Variants in CELF1 observed in about 807,000 individuals in gnomAD.
The protein encoded by CELF1 is CUGBP Elav-like family member 1.
Under a neutral mutation model 61.8 loss-of-function variants are expected in CELF1, and 10 were observed. The observed-to-expected ratio is 0.16, with a 90% CI of 0.10 to 0.27. The LOEUF is 0.27. Ranked by LOEUF, CELF1 falls within the 10% of genes least tolerant of loss-of-function variation. The pLI is 1.00. For synonymous variants in CELF1, 236 were observed against 225.1 expected (o/e 1.05, Z -0.43); for missense variants, 380 against 639.1 (o/e 0.59, Z 4.37).
chr11:47,472,821 C>T (rs1330855381), intron 14 of CELF1, among the ~76,000 whole-genome samples: 8 of 152,208 alleles, frequency 5.3e-5, no homozygotes, highest in African/African-American at 1.9e-4. Context: ...CTGGGACTTA[C>T]AGGCACAAAC....
intron 3 of CELF1, among the ~76,000 whole-genome samples, chr11:47,490,871 T>TA (rs2091106107): frequency 6.6e-6 from 1 of 151,798 alleles, no homozygotes; most frequent in Non-Finnish European, 1.5e-5. Flanking sequence ...CTTTCTTTTT[T>TA]TTTTTTTTGA....
intron 1 of CELF1, among the ~76,000 whole-genome samples, chr11:47,508,272 G>A (rs1192195339): frequency 6.6e-6 from 1 of 152,236 alleles, no homozygotes; most frequent in African/African-American, 2.4e-5. Context: ...GAAAAGGCCA[G>A]GGAACCACAT....
intron 1 of CELF1, among the ~76,000 whole-genome samples, chr11:47,505,534 T>G (rs1388019810): frequency 6.6e-6 from 1 of 150,488 alleles, no homozygotes; most frequent in Non-Finnish European, 1.5e-5. Context: ...TCCCAGCTAC[T>G]CAGGAGACTG....
In CELF1 at chr11:47,484,406, G is replaced by C; in HGVS notation, c.509C>G (p.Pro170Arg). 6.8e-6 allele frequency: 11 copies of C among 1,613,126 alleles called. No individual in the cohort carries two copies. Among genetic ancestry groups the C allele is most frequent in the Non-Finnish European group, 9.3e-6 (11 of 1,179,738 alleles). The change falls in exon 7 of 15, where the codon CCT becomes CGT. Residue 170 changes from proline (P) to arginine (R), a missense_variant. Transcript: ENST00000687097. The part of the protein sequence containing the change: ...QIEECRILRG[P>R]DGLSRGCAFV... ...CTACCTACCTCGGCTCAGGCCATCAGGTCCCCGCAATATCCGGCATTCTTC... is the reference window on the plus strand; with the variant it reads ...CTACCTACCTCGGCTCAGGCCATCACGTCCCCGCAATATCCGGCATTCTTC...
intron 1 of CELF1, among the ~76,000 whole-genome samples, chr11:47,507,984 CTTCCA>C (rs1199413232): frequency 6.6e-6 from 1 of 152,044 alleles, no homozygotes; most frequent in Non-Finnish European, 1.5e-5. Context: ...AAGAAAGGAA[CTTCCA>C]TTTACTAAGT....
At chr11:47,481,077 T>TG (rs1465011474) in intron 9 of CELF1, among the ~76,000 whole-genome samples, 2 of 133,452 alleles carry the variant, frequency 1.5e-5, no homozygotes, top group African/African-American at 2.6e-5. Flanking sequence ...TAGGATAAAC[T>TG]GGGGTTTTTT....
Position 47,472,068 on chromosome 11 carries a change from G to C in CELF1, c.*162C>G, listed in dbSNP as rs2077861794. On this transcript the variant is annotated 3_prime_UTR_variant, in exon 15 of 15. Transcript: ENST00000687097. The stretch of plus-strand genomic sequence containing the variant: ...CTCTGTACGAAGCGAAACTCCCACA[G>C]AAGGCAGTAGCCGAGTCTTCAGGGC... The C allele has an allele frequency of 1.3e-6, 1 of 760,544 alleles. No individual in the cohort carries two copies. Among genetic ancestry groups the C allele is most frequent in the East Asian group, 2.5e-5 (1 of 40,194 alleles). 47.1% of individuals were successfully genotyped at this position (760,544 alleles called of 1,614,324 possible). A position where few individuals can be genotyped will look rare whatever the true frequency, so the allele number is the denominator to read the frequency against.
At chr11:47,523,427 G>T (rs1428479999) in intron 1 of CELF1, 1 of 152,206 alleles carries the variant, frequency 6.6e-6, no homozygotes, top group East Asian at 1.9e-4. Context: ...ACACTCAAAA[G>T]AATTTGGAAA....
intron 3 of CELF1, among the ~76,000 whole-genome samples, chr11:47,498,649 G>T (rs1335317025): frequency 1.3e-5 from 2 of 152,138 alleles, no homozygotes; most frequent in African/African-American, 4.8e-5. Context: ...ATACTCTGAA[G>T]CCTGGTTACA....
At chr11:47,475,558 A>T (rs1028857742) in intron 12 of CELF1, 37 bp from the exon 13 acceptor site, 1 of 1,596,958 alleles carries the variant, frequency 6.3e-7, no homozygotes, top group Admixed American at 1.7e-5. Flanking sequence ...TATACTAGAA[A>T]GACTAAACTG....
At chr11:47,524,495 C>A in intron 1 of CELF1, 1 of 152,368 alleles carries the variant, frequency 6.6e-6, no homozygotes. Context: ...AACCTGAACA[C>A]AGCAAAACAA....
chr11:47,505,959 T>C (rs2094459516), intron 1 of CELF1, among the ~76,000 whole-genome samples: 1 of 148,154 alleles, frequency 6.7e-6, no homozygotes, highest in Non-Finnish European at 1.5e-5. Context: ...AAAAAGTATG[T>C]TGAACAAATT....
chr11:47,539,792 C>A (rs1476347608), intron 1 of CELF1, among the ~76,000 whole-genome samples: 2 of 152,212 alleles, frequency 1.3e-5, no homozygotes, highest in African/African-American at 4.8e-5. Context: ...TGCCCTCTCT[C>A]CAGAGCTGCA....
Position 47,559,188 on chromosome 11 carries a change from C to T in CELF1, c.-11+5163G>A, listed in dbSNP as rs541151398. 1.5e-3 allele frequency among the ~76,000 whole-genome samples: 221 copies of T among 149,772 alleles called. 1 individual carries two copies. The highest frequency in any genetic ancestry group is 0.014 in the Middle Eastern group (4 of 292). ...TCAGCTCACCACAACCTCCGTCTCC[C>T]GGATTCAAGCAATTCTCCTACCTCA... is the stretch of plus-strand genomic sequence containing the variant. On this transcript the variant is annotated intron_variant, in intron 2 of 3. Coordinates refer to the CELF1 transcript ENST00000525841.
At chr11:47,479,133 A>G (rs1172191249) in intron 9 of CELF1, among the ~76,000 whole-genome samples, 181 bp from the exon 10 acceptor site, 1 of 152,180 alleles carries the variant, frequency 6.6e-6, no homozygotes, top group Non-Finnish European at 1.5e-5. Flanking sequence ...GACAAAAAAA[A>G]AACACAGCTA....
At chr11:47,492,811 A>AT (rs1360072842) in intron 3 of CELF1, among the ~76,000 whole-genome samples, 1 of 152,222 alleles carries the variant, frequency 6.6e-6, no homozygotes, top group African/African-American at 2.4e-5. Flanking sequence ...TACCAGTTGT[A>AT]ATAGCATTTT....
chr11:47,548,029 G>A (rs1471392322), intron 1 of CELF1, among the ~76,000 whole-genome samples: 14 of 152,260 alleles, frequency 9.2e-5, no homozygotes, highest in Admixed American at 7.2e-4. Context: ...GGCCGGGCAC[G>A]GTGGCTCAAG....
At chr11:47,525,409 G>T (rs570340133) in intron 1 of CELF1, among the ~76,000 whole-genome samples, 1 of 152,292 alleles carries the variant, frequency 6.6e-6, no homozygotes, top group East Asian at 1.9e-4. Flanking sequence ...AGAAATGCAT[G>T]GCTGATTGGC....
chr11:47,493,959 A>G (rs1262365895), intron 3 of CELF1, among the ~76,000 whole-genome samples: 1 of 152,216 alleles, frequency 6.6e-6, no homozygotes, highest in African/African-American at 2.4e-5. Context: ...CACATCAGCT[A>G]CCACATCATC....
Sources: gnomAD v4.1 joint callset for allele counts (sites outside exome capture counted in the v4.1 genomes callset) on GRCh38, gnomAD v4.1.1 for gene constraint, MANE v1.5 for transcripts, NCBI Gene and HGNC (gene_info 2026-07-23, HGNC 2026-07-21) for gene names.